The following TRMT2B variants were observed in gnomAD, a reference collection of about 807,000 sequenced individuals.
The protein encoded by TRMT2B is tRNA (uracil-5-)-methyltransferase homolog B.
Under a neutral mutation model 39.7 loss-of-function variants are expected in TRMT2B, and 34 were observed. That is an observed-to-expected ratio of 0.86 (90% confidence interval 0.65 to 1.14). The LOEUF is 1.14. TRMT2B is among the 50% of genes most tolerant of loss of function. The pLI is 0.00. For missense variants in TRMT2B, 318 were observed against 377.2 expected (o/e 0.84, Z 1.30); for synonymous variants, 132 against 137.3 (o/e 0.96, Z 0.27).
downstream of TRMT2B, among the ~76,000 whole-genome samples, chrX:101,008,387 C>T (rs190687718): frequency 9.0e-6 from 1 of 111,404 alleles, no homozygotes; most frequent in Admixed American, 9.6e-5. Flanking sequence ...TTTCGGAGGC[C>T]GAGGCAGGTG....
chrX:101,034,521 T>C (rs1006983248), intron 7 of TRMT2B, among the ~76,000 whole-genome samples: 1 of 111,195 alleles, frequency 9.0e-6, no homozygotes, highest in Non-Finnish European at 1.9e-5. Flanking sequence ...GGGTCAGAGG[T>C]GAAAGCTAGA....
At chrX:100,983,450 G>A in the TRMT2B span, among the ~76,000 whole-genome samples, 4 of 110,112 alleles carry the variant, frequency 3.6e-5, 1 homozygote, top group South Asian at 1.2e-3. Flanking sequence ...TCTGCCTCCC[G>A]GGTTCAAGTG....
chrX:101,035,802 C>G (rs763253901), intron 6 of TRMT2B, 119 bp from the exon 7 acceptor site: 1 of 555,736 alleles, frequency 1.8e-6, no homozygotes, highest in Non-Finnish European at 3.0e-6. Flanking sequence ...GAAGCAAATA[C>G]AATCTCATGG....
chrX:100,981,801 C>A, the TRMT2B span, among the ~76,000 whole-genome samples: 1 of 105,117 alleles, frequency 9.5e-6, no homozygotes, highest in Non-Finnish European at 1.9e-5. Context: ...AGAGTGAGAC[C>A]CTGTCTCAAA....
At chrX:100,988,834 TATGAG>T in the TRMT2B span, among the ~76,000 whole-genome samples, 1 of 76,991 alleles carries the variant, frequency 1.3e-5, no homozygotes, top group Non-Finnish European at 2.4e-5. Context: ...TTTATATATA[TATGAG>T]ATAATATATC....
At chrX:101,004,263 A>AAACAAC in the TRMT2B span, among the ~76,000 whole-genome samples, 14 of 105,751 alleles carry the variant, frequency 1.3e-4, no homozygotes, top group Admixed American at 7.2e-4. Flanking sequence ...GTTTTTGGGA[A>AAACAAC]AACAACAACA....
Position 101,010,405 on chromosome X carries a change from A to T in TRMT2B, c.*176T>A. Reference sequence around the variant, plus strand: ...CCAGCCTGGGCAAGAGTGAGACTCTATCTCAAAAAAAAAATCTGCCTCAGA... The same window carrying T: ...CCAGCCTGGGCAAGAGTGAGACTCTTTCTCAAAAAAAAAATCTGCCTCAGA... On this transcript the variant is annotated 3_prime_UTR_variant, in exon 14 of 14. Coordinates refer to ENST00000372936, the MANE Select transcript of TRMT2B (RefSeq NM_024917.6). The T allele has an allele frequency of 3.9e-6, 2 of 516,297 alleles. No homozygotes were observed. The highest frequency in any genetic ancestry group is 6.4e-6 in the Non-Finnish European group (2 of 310,196). The allele number at this position is 516,297 out of a possible 1,213,427, so 42.5% of individuals were successfully genotyped here. A position where few individuals can be genotyped will look rare whatever the true frequency, so the allele number is the denominator to read the frequency against.
At chrX:101,013,118 G>C (rs185845737) in intron 13 of TRMT2B, among the ~76,000 whole-genome samples, 130 of 111,719 alleles carry the variant, frequency 1.2e-3, no homozygotes, top group Non-Finnish European at 2.0e-3. Context: ...ACCGCGCCCG[G>C]TCAGCTCCAT....
chrX:100,981,964 C>T, the TRMT2B span, among the ~76,000 whole-genome samples: 13 of 109,485 alleles, frequency 1.2e-4, no homozygotes, highest in Non-Finnish European at 2.1e-4. Context: ...CATCTTATGC[C>T]GCCATCTCCA....
chrX:100,984,068 G>A, the TRMT2B span, among the ~76,000 whole-genome samples: 5 of 110,009 alleles, frequency 4.5e-5, no homozygotes, highest in Admixed American at 9.7e-5. Context: ...AGACTGGAAC[G>A]CATATAAAGG....
chrX:100,987,652 G>A, the TRMT2B span: 1 of 1,003,448 alleles, frequency 1.0e-6, no homozygotes, highest in African/African-American at 1.9e-5. Flanking sequence ...TTGGATCCTG[G>A]GTGGCATTGA....
chrX:101,007,290 A>C (rs939364197), downstream of TRMT2B, among the ~76,000 whole-genome samples: 1 of 111,984 alleles, frequency 8.9e-6, no homozygotes, highest in East Asian at 2.8e-4. Context: ...AGAGAAATGG[A>C]GTTCTTCAGA....
Position 101,010,667 on chromosome X carries a change from C to G in TRMT2B, c.1429G>C (p.Glu477Gln). 1 of 1,210,688 alleles carries G rather than the reference C, an allele frequency of 8.3e-7. No homozygotes were observed. Among genetic ancestry groups the G allele is most frequent in the Non-Finnish European group, 1.1e-6 (1 of 895,105 alleles). ...ACAGCTTGCTGCAGGACAAAGGGCT[C>G]GCCTAAGAGCTTCTTAGCAGGGTCT... Reference protein sequence around the residue: ...PPDPAKKLLGEPFVLQQAVPV... With the variant: ...PPDPAKKLLGQPFVLQQAVPV... The change falls in exon 14 of 14, where the codon GAG becomes CAG. Residue 477 changes from glutamate (E) to glutamine (Q), a missense_variant. By Grantham distance (29) the Glu-to-Gln change is conservative. Transcript: ENST00000372936.
At chrX:100,988,851 C>CATATATAT in the TRMT2B span, among the ~76,000 whole-genome samples, 513 of 79,633 alleles carry the variant, frequency 6.4e-3, 3 homozygotes, top group African/African-American at 0.013. Flanking sequence ...TAATATATCT[C>CATATATAT]ATATATATAT....
chrX:101,024,400 T>C (rs771043453), intron 7 of TRMT2B, among the ~76,000 whole-genome samples: 48 of 111,758 alleles, frequency 4.3e-4, no homozygotes, highest in Non-Finnish European at 6.6e-4. Flanking sequence ...TACAGTGATA[T>C]AAGAAACATG....
chrX:101,004,818 G>A (rs1288531599), downstream of TRMT2B, among the ~76,000 whole-genome samples: 1 of 111,325 alleles, frequency 9.0e-6, no homozygotes, highest in Admixed American at 9.7e-5. Context: ...ATGTTTTAAT[G>A]TGAGTCTAAT....
intron 7 of TRMT2B, among the ~76,000 whole-genome samples, chrX:101,026,913 A>G (rs758497863): frequency 2.7e-5 from 3 of 111,615 alleles, no homozygotes; most frequent in South Asian, 7.5e-4. Context: ...TCCCATTTTA[A>G]GCAGAATAAA....
chrX:101,051,234 T>C lies in TRMT2B; in HGVS notation c.-24+17A>G, dbSNP rs1476008306. ...TCAGAGAGGTTCAAATCAAAGAGAC[T>C]ATGTGGTAGGTCTCACCTGCGCAGG... is the stretch of plus-strand genomic sequence containing the variant. On this transcript the variant is annotated intron_variant, in intron 2 of 13. Coordinates refer to ENST00000372936, the MANE Select transcript of TRMT2B (RefSeq NM_024917.6). 5.4e-6 allele frequency: 4 copies of C among 740,501 alleles called. No homozygotes were observed. The African/African-American group carries it at 9.4e-5, about 17-fold the overall frequency. The allele number at this position is 740,501 out of a possible 1,213,427, so 61.0% of individuals were successfully genotyped here.
chrX:100,984,049 C>G, the TRMT2B span, among the ~76,000 whole-genome samples: 1 of 110,378 alleles, frequency 9.1e-6, no homozygotes, highest in African/African-American at 3.3e-5. Context: ...CTAGAACGGT[C>G]AGTTCAACAG....
Sources: gnomAD v4.1 joint callset for allele counts (sites outside exome capture counted in the v4.1 genomes callset) on GRCh38, gnomAD v4.1.1 for gene constraint, MANE v1.5 for transcripts, NCBI Gene and HGNC (gene_info 2026-07-23, HGNC 2026-07-21) for gene names.